The following ITPR1 variants were observed in gnomAD, a reference collection of about 807,000 sequenced individuals.
ITPR1 encodes the protein inositol 1,4,5-trisphosphate-gated calcium channel ITPR1.
Under a neutral mutation model 318.4 loss-of-function variants are expected in ITPR1, and 96 were observed. The observed-to-expected ratio is 0.30, with a 90% CI of 0.26 to 0.36. The LOEUF is 0.36. Among genes scored for constraint, ITPR1 ranks in the 10% least tolerant of loss-of-function variants. ITPR1 has a pLI of 1.00. For synonymous variants in ITPR1, 1,312 were observed against 1,289.9 expected (o/e 1.02, Z -0.37); for missense variants, 2,440 against 3,460.2 (o/e 0.71, Z 7.40).
chr3:4,522,206 A>G (rs2082622272), intron 4 of ITPR1, among the ~76,000 whole-genome samples: 1 of 152,186 alleles, frequency 6.6e-6, no homozygotes, highest in African/African-American at 2.4e-5. Flanking sequence ...TTTATCAATT[A>G]AGGTAACCTC....
In ITPR1 at chr3:4,847,015, A is replaced by C. The variant is rs530345485; in HGVS notation, c.*790A>C. ...AAAGGGAACTTTCTATGCAATGTTCAGGATAAATGCATACTGCTGGCCAAT... is the reference window on the plus strand; with the variant it reads ...AAAGGGAACTTTCTATGCAATGTTCCGGATAAATGCATACTGCTGGCCAAT... On this transcript the variant is annotated 3_prime_UTR_variant, in exon 62 of 62. Transcript: ENST00000649015. The C allele has an allele frequency of 6.5e-6, 1 of 152,794 alleles. No individual in the cohort carries two copies. Among genetic ancestry groups the C allele is most frequent in the African/African-American group, 2.4e-5 (1 of 41,594 alleles). 9.5% of individuals were successfully genotyped at this position (152,794 alleles called of 1,614,324 possible).
chr3:4,532,701 C>G (rs1056337593), intron 4 of ITPR1, among the ~76,000 whole-genome samples: 1 of 152,198 alleles, frequency 6.6e-6, no homozygotes, highest in African/African-American at 2.4e-5. Flanking sequence ...AGTTGTCATG[C>G]TCCTGCAAGG....
chr3:4,763,895 G>A (rs554321314), intron 44 of ITPR1, among the ~76,000 whole-genome samples: 35 of 152,330 alleles, frequency 2.3e-4, no homozygotes, highest in African/African-American at 7.7e-4. Context: ...AACAGATGGC[G>A]GGCTTTATTT....
chr3:4,777,453 C>CA, intron 48 of ITPR1, 79 bp downstream of exon 48: 2 of 802,282 alleles, frequency 2.5e-6, no homozygotes, highest in Non-Finnish European at 4.2e-6. Flanking sequence ...TGCACATGGG[C>CA]AATTAGTCAT....
chr3:4,818,230 A>G lies in ITPR1; in HGVS notation c.8016A>G (p.Ala2672=). 1.3e-6 allele frequency: 2 copies of G among 1,569,174 alleles called. No individual in the cohort carries two copies. The highest frequency in any genetic ancestry group is 1.7e-6 in the Non-Finnish European group (2 of 1,145,590). ...TEYTGPESYV[A]EMIKERNLDW... ...ATACTGGGCCTGAGAGTTACGTGGC[A>G]GAAATGATCAAGGTGAGTGGAAAGG... The change falls in exon 60 of 62, where the codon GCA becomes GCG. Residue 2672 remains alanine (A), a synonymous_variant. Transcript: ENST00000649015.
intron 44 of ITPR1, among the ~76,000 whole-genome samples, chr3:4,753,521 A>G (rs1361247810): frequency 6.6e-6 from 1 of 152,022 alleles, no homozygotes; most frequent in Non-Finnish European, 1.5e-5. Context: ...ACACAGCAAG[A>G]TGGGGATGCA....
intron 4 of ITPR1, among the ~76,000 whole-genome samples, chr3:4,594,224 A>G (rs555339037): frequency 1.3e-5 from 2 of 152,204 alleles, no homozygotes; most frequent in Non-Finnish European, 2.9e-5. Flanking sequence ...GTTTTAGGTC[A>G]GGATAATAGG....
At chr3:4,607,397 G>A (rs945471289) in intron 4 of ITPR1, among the ~76,000 whole-genome samples, 8 of 152,146 alleles carry the variant, frequency 5.3e-5, no homozygotes, top group African/African-American at 1.7e-4. Flanking sequence ...TGCTTAAAAT[G>A]AGGATTCCTA....
At chr3:4,729,322 G>A (rs1369636333) in intron 42 of ITPR1, among the ~76,000 whole-genome samples, 1 of 152,188 alleles carries the variant, frequency 6.6e-6, no homozygotes, top group Non-Finnish European at 1.5e-5. Flanking sequence ...TAACACAGTG[G>A]CTGGAATGTG....
chr3:4,743,211 C>T (rs1314877528), intron 44 of ITPR1, among the ~76,000 whole-genome samples: 1 of 152,228 alleles, frequency 6.6e-6, no homozygotes, highest in African/African-American at 2.4e-5. Flanking sequence ...CTGCCTTTGA[C>T]CTGAACACCT....
chr3:4,554,716 G>A (rs899427172), intron 4 of ITPR1, among the ~76,000 whole-genome samples: 6 of 152,056 alleles, frequency 3.9e-5, no homozygotes, highest in South Asian at 2.1e-4. Context: ...CCAGTGACTC[G>A]AAATATCTGT....
intron 60 of ITPR1, among the ~76,000 whole-genome samples, chr3:4,831,858 C>G (rs2050539555): frequency 6.6e-6 from 1 of 152,140 alleles, no homozygotes; most frequent in Non-Finnish European, 1.5e-5. Context: ...TCTCTCTGTG[C>G]CTATTCCAGT....
At chr3:4,593,083 C>G (rs2090516527) in intron 4 of ITPR1, among the ~76,000 whole-genome samples, 1 of 152,126 alleles carries the variant, frequency 6.6e-6, no homozygotes, top group Non-Finnish European at 1.5e-5. Flanking sequence ...TTCAGCTCTT[C>G]TTTTTGTGTG....
At chr3:4,553,141 T>C (rs1168261548) in intron 4 of ITPR1, among the ~76,000 whole-genome samples, 2 of 152,268 alleles carry the variant, frequency 1.3e-5, no homozygotes, top group East Asian at 3.9e-4. Flanking sequence ...ATGAAGTTTA[T>C]TGTGGTGGGA....
chr3:4,526,362 A>G (rs972602194), intron 4 of ITPR1, among the ~76,000 whole-genome samples: 3 of 152,252 alleles, frequency 2.0e-5, no homozygotes, highest in Non-Finnish European at 2.9e-5. Context: ...GATGTTCCAG[A>G]TAAGTATCTT....
At chr3:4,619,443 T>G (rs1481705462) in intron 4 of ITPR1, among the ~76,000 whole-genome samples, 2 of 151,746 alleles carry the variant, frequency 1.3e-5, no homozygotes, top group Non-Finnish European at 2.9e-5. Flanking sequence ...TTTCCTTCCT[T>G]TCCTTTCCTC....
chr3:4,580,231 TA>T (rs1298650410), intron 4 of ITPR1, among the ~76,000 whole-genome samples: 3 of 151,936 alleles, frequency 2.0e-5, no homozygotes, highest in Admixed American at 6.6e-5. Flanking sequence ...AAAAAACCTT[TA>T]TTATTATTTT....
At chr3:4,649,545 T>C (rs2093547655) in intron 10 of ITPR1, among the ~76,000 whole-genome samples, 1 of 152,214 alleles carries the variant, frequency 6.6e-6, no homozygotes, top group Non-Finnish European at 1.5e-5. Context: ...GCTTGGTAGC[T>C]AATCTACTTC....
intron 55 of ITPR1, among the ~76,000 whole-genome samples, chr3:4,808,841 G>A (rs372526413): frequency 6.6e-6 from 1 of 152,180 alleles, no homozygotes; most frequent in East Asian, 1.9e-4. Context: ...TGATCTGGTG[G>A]CCTAATTAAA....
Sources: gnomAD v4.1 joint callset for allele counts (sites outside exome capture counted in the v4.1 genomes callset) on GRCh38, gnomAD v4.1.1 for gene constraint, MANE v1.5 for transcripts, NCBI Gene and HGNC (gene_info 2026-07-23, HGNC 2026-07-21) for gene names.